IL10RB: variants seen among roughly 807,000 people sequenced by gnomAD.
The protein encoded by IL10RB is interleukin 10 receptor subunit beta, also known as interleukin-10 receptor subunit beta.
A neutral mutation model predicts 38.7 loss-of-function variants in IL10RB; 30 were observed. The ratio of observed to expected loss-of-function variants is 0.78; its 90% CI spans 0.58 to 1.05. The LOEUF is 1.05. Among genes scored for constraint, IL10RB ranks in the 50% least tolerant of loss-of-function variants. The pLI is 0.00. For missense variants in IL10RB, 328 were observed against 397.1 expected (o/e 0.83, Z 1.48); for synonymous variants, 142 against 145.9 (o/e 0.97, Z 0.19).
chr21:33,281,590 GT>G (rs907637291), intron 4 of IL10RB, among the ~76,000 whole-genome samples: 8 of 152,228 alleles, frequency 5.3e-5, no homozygotes, highest in South Asian at 2.1e-4. Flanking sequence ...TTTTTTGGGG[GT>G]TTTTTTGAGG....
At chr21:33,290,387 T>C (rs1989462250) in intron 6 of IL10RB, among the ~76,000 whole-genome samples, 1 of 152,154 alleles carries the variant, frequency 6.6e-6, no homozygotes, top group Non-Finnish European at 1.5e-5. Context: ...ACCACTTAAA[T>C]ATAATCATTT....
intron 6 of IL10RB, among the ~76,000 whole-genome samples, chr21:33,288,613 G>T (rs1052413682): frequency 6.6e-6 from 1 of 152,170 alleles, no homozygotes; most frequent in Non-Finnish European, 1.5e-5. Flanking sequence ...GCTCAGTGTG[G>T]AAGAAAGAGA....
Position 33,279,809 on chromosome 21 carries a change from G to T in IL10RB, c.389G>T (p.Arg130Leu). ...GTACTTGCTGATTCTTTACATATGCGTTTCTTAGCCCCTAAAATTGAGAAT... is the reference window on the plus strand; with the variant it reads ...GTACTTGCTGATTCTTTACATATGCTTTTCTTAGCCCCTAAAATTGAGAAT... ...VEVLADSLHM[R>L]FLAPKIENEY... is the part of the protein sequence containing the mutation. Residue 130 changes from arginine (R) to leucine (L), a missense_variant, in exon 4 of 7, where the codon CGT (arginine) becomes CTT (leucine). Coordinates refer to ENST00000290200, the MANE Select transcript of IL10RB (RefSeq NM_000628.5). The T allele has an allele frequency of 6.2e-7, 1 of 1,613,580 alleles. No homozygotes were observed. The highest frequency in any genetic ancestry group is 1.1e-5 in the South Asian group (1 of 91,072).
chr21:33,267,502 G>GTTTGTTTGT (rs1477718652), intron 1 of IL10RB, among the ~76,000 whole-genome samples: 1 of 102,710 alleles, frequency 9.7e-6, no homozygotes, highest in African/African-American at 3.7e-5. Flanking sequence ...TTGTTTGTTT[G>GTTTGTTTGT]TTTTTTTGTT....
intron 2 of IL10RB, among the ~76,000 whole-genome samples, chr21:33,275,597 A>G (rs1333360807): frequency 6.6e-6 from 1 of 152,212 alleles, no homozygotes; most frequent in Non-Finnish European, 1.5e-5. Flanking sequence ...GACTTTCTGC[A>G]TATTTTCAAT....
At chr21:33,278,804 C>T (rs778647383) in intron 3 of IL10RB, among the ~76,000 whole-genome samples, 1 of 152,214 alleles carries the variant, frequency 6.6e-6, no homozygotes, top group Non-Finnish European at 1.5e-5. Flanking sequence ...AACAAGTTTT[C>T]TTGTCTGGTT....
At chr21:33,280,616 G>T (rs2834171) in intron 4 of IL10RB, among the ~76,000 whole-genome samples, 72,906 of 151,924 alleles carry the variant, frequency 0.48, 18,198 homozygotes, top group African/African-American at 0.62. Context: ...ACATGTTAAG[G>T]TTATTTTTAT....
intron 2 of IL10RB, among the ~76,000 whole-genome samples, chr21:33,271,518 C>A (rs545566704): frequency 2.0e-4 from 31 of 152,098 alleles, no homozygotes; most frequent in Non-Finnish European, 3.8e-4. Context: ...CACCTGAGAT[C>A]AGGAGTTCGA....
intron 6 of IL10RB, among the ~76,000 whole-genome samples, chr21:33,292,406 G>T (rs1165200919): frequency 6.6e-6 from 1 of 152,182 alleles, no homozygotes; most frequent in Non-Finnish European, 1.5e-5. Context: ...ACTTCTGCTA[G>T]GCATAATTAC....
downstream of IL10RB, among the ~76,000 whole-genome samples, chr21:33,301,298 C>T (rs186298963): frequency 2.4e-4 from 37 of 152,304 alleles, no homozygotes; most frequent in East Asian, 6.7e-3. Flanking sequence ...GACCACCTCA[C>T]CACTCCTGTT....
At chr21:33,306,031 C>T (rs1041409054) in intron 1 of IL10RB, among the ~76,000 whole-genome samples, 1 of 152,030 alleles carries the variant, frequency 6.6e-6, no homozygotes, top group Admixed American at 6.6e-5. Flanking sequence ...AGTGTTTTAC[C>T]ATGTGAGCCA....
rs1988942570 is a variant in IL10RB, at chr21:33,266,435, G to A, written c.-31G>A. 3.9e-6 allele frequency: 6 copies of A among 1,539,898 alleles called. No individual in the cohort carries two copies. The highest frequency in any genetic ancestry group is 5.2e-6 in the Non-Finnish European group (6 of 1,146,282). On this transcript the variant is annotated 5_prime_UTR_variant, in exon 1 of 7. Transcript: ENST00000290200. ...GGCGCGGGCGGGGGTCGTGTGCTTGGAGGAAGCCGCGGAACCCCCAGCGTC... is the reference window on the plus strand; with the variant it reads ...GGCGCGGGCGGGGGTCGTGTGCTTGAAGGAAGCCGCGGAACCCCCAGCGTC...
At chr21:33,288,398 CA>C in intron 6 of IL10RB, 137 bp downstream of exon 6, 1 of 702,690 alleles carries the variant, frequency 1.4e-6, no homozygotes, top group East Asian at 2.8e-5. Context: ...CACACACACA[CA>C]CACACAGACA....
chr21:33,269,651 A>ATTTTTTT (rs529634707), intron 2 of IL10RB, among the ~76,000 whole-genome samples: 1 of 137,328 alleles, frequency 7.3e-6, no homozygotes. Context: ...AGATTCACCA[A>ATTTTTTT]TTTTTTTTTT....
Position 33,266,374 on chromosome 21 carries a change from C to G in IL10RB, c.-92C>G. 1.4e-6 allele frequency: 2 copies of G among 1,442,468 alleles called. No homozygotes were observed. Among genetic ancestry groups the G allele is most frequent in the Non-Finnish European group, 1.9e-6 (2 of 1,067,570 alleles). The allele number at this position is 1,442,468 out of a possible 1,614,324, so 89.4% of individuals were successfully genotyped here. On this transcript the variant is annotated 5_prime_UTR_variant, in exon 1 of 7. Transcript: ENST00000290200. ...CCCCACCCCGCCCCGCCCATCTCCG[C>G]TGGTTCCCGGAAGCCGCCGCGGACA...
downstream of IL10RB, among the ~76,000 whole-genome samples, chr21:33,297,440 A>AAC (rs1183552345): frequency 6.6e-6 from 1 of 152,014 alleles, no homozygotes; most frequent in African/African-American, 2.4e-5. Flanking sequence ...TAAAAAAAAA[A>AAC]AAACCTAGAA....
intron 1 of IL10RB, among the ~76,000 whole-genome samples, chr21:33,303,945 G>C (rs560164596): frequency 6.6e-6 from 1 of 152,216 alleles, no homozygotes; most frequent in South Asian, 2.1e-4. Context: ...CAAAGGGAGG[G>C]AAGAGAGGGG....
chr21:33,305,576 G>A (rs968864032), intron 1 of IL10RB, among the ~76,000 whole-genome samples: 104 of 152,316 alleles, frequency 6.8e-4, no homozygotes, highest in African/African-American at 2.5e-3. Flanking sequence ...AGCAGCGTAG[G>A]CAGGGTGAAG....
chr21:33,299,473 C>A (rs940620126), downstream of IL10RB, among the ~76,000 whole-genome samples: 5 of 152,238 alleles, frequency 3.3e-5, no homozygotes, highest in Admixed American at 6.5e-5. Context: ...ATCCTCACCC[C>A]CTTCCACCCT....
Sources: allele counts gnomAD v4.1 joint callset (sites outside exome capture counted in the v4.1 genomes callset), GRCh38; gene constraint gnomAD v4.1.1; transcripts MANE v1.5; gene names NCBI Gene and HGNC (gene_info 2026-07-23, HGNC 2026-07-21).